The following NFAT5 variants were observed in gnomAD, a reference collection of about 807,000 sequenced individuals.
NFAT5 encodes nuclear factor of activated T-cells 5.
A neutral mutation model predicts 166.5 loss-of-function variants in NFAT5; 31 were observed. The ratio of observed to expected loss-of-function variants is 0.19; its 90% CI spans 0.14 to 0.25. NFAT5 has a LOEUF of 0.25. Among genes scored for constraint, NFAT5 ranks in the 10% least tolerant of loss-of-function variants. The pLI is 1.00. For synonymous variants in NFAT5, 612 were observed against 639.7 expected, an observed-to-expected ratio of 0.96 and a Z score of 0.65; for missense variants, 1,449 against 1,821.8, an observed-to-expected ratio of 0.80 and a Z score of 3.72.
At chr16:69,624,962 C>T (rs1012272198) in intron 2 of NFAT5, among the ~76,000 whole-genome samples, 2 of 151,170 alleles carry the variant, frequency 1.3e-5, no homozygotes, top group Admixed American at 1.3e-4. Context: ...TGCAATGGCG[C>T]GATCTTGGCT....
In NFAT5 at chr16:69,568,262, G is replaced by T. The variant is rs148872708; in HGVS notation, c.74-233G>T. On this transcript the variant is annotated intron_variant, in intron 1 of 14. Transcript: ENST00000349945. ...TTGAATCCGGGAGGCGGAGGTTGCGGTGAGCCGAGATCGCACCATTGCACT... is the reference window on the plus strand; with the variant it reads ...TTGAATCCGGGAGGCGGAGGTTGCGTTGAGCCGAGATCGCACCATTGCACT... 2.2e-3 allele frequency among the ~76,000 whole-genome samples: 339 copies of T among 152,212 alleles called. 2 individuals are homozygous for T. Among genetic ancestry groups the T allele is most frequent in the South Asian group, 5.8e-3 (28 of 4,822 alleles).
chr16:69,641,392 A>T lies in NFAT5; in HGVS notation c.254-5636A>T, dbSNP rs554032319. On this transcript the variant is annotated intron_variant, in intron 3 of 14. Coordinates refer to ENST00000349945, the MANE Select transcript of NFAT5 (RefSeq NM_138713.4). Reference sequence around the variant, plus strand: ...TTGTTCCACTATTTGTTCACTTAGCACTCTTGCAAAATTTTATGGCTTTTT... The same window carrying T: ...TTGTTCCACTATTTGTTCACTTAGCTCTCTTGCAAAATTTTATGGCTTTTT... 3.3e-3 allele frequency among the ~76,000 whole-genome samples: 505 copies of T among 151,806 alleles called. 6 individuals are homozygous for T. The highest frequency in any genetic ancestry group is 0.012 in the African/African-American group (495 of 41,390).
intron 2 of NFAT5, among the ~76,000 whole-genome samples, chr16:69,620,184 A>T (rs2034134942): frequency 1.3e-5 from 2 of 152,298 alleles, no homozygotes; most frequent in South Asian, 4.1e-4. Flanking sequence ...GCTCTATGAG[A>T]ATGCACCAGC....
intron 2 of NFAT5, among the ~76,000 whole-genome samples, chr16:69,596,957 G>C (rs901549885): frequency 6.6e-6 from 1 of 152,134 alleles, no homozygotes; most frequent in African/African-American, 2.4e-5. Flanking sequence ...AAACAAAGAG[G>C]AGTCCCTGTG....
At chr16:69,666,964 C>A (rs2036407808) in intron 7 of NFAT5, among the ~76,000 whole-genome samples, 1 of 150,668 alleles carries the variant, frequency 6.6e-6, no homozygotes, top group South Asian at 2.1e-4. Context: ...AAATGTGGCA[C>A]ATATACACCA....
chr16:69,648,262 C>A (rs1450685624), intron 4 of NFAT5: 1 of 984,564 alleles, frequency 1.0e-6, no homozygotes, highest in Non-Finnish European at 1.2e-6. Flanking sequence ...TCACTAAGAG[C>A]TATGTTCTCT....
intron 9 of NFAT5, among the ~76,000 whole-genome samples, chr16:69,672,610 C>T (rs1393953567): frequency 6.6e-6 from 1 of 152,138 alleles, no homozygotes; most frequent in Non-Finnish European, 1.5e-5. Flanking sequence ...TCATTTTATT[C>T]ACCTTGAAGA....
At chr16:69,610,363 G>C (rs900388030) in intron 2 of NFAT5, among the ~76,000 whole-genome samples, 3 of 152,036 alleles carry the variant, frequency 2.0e-5, no homozygotes, top group Admixed American at 1.3e-4. Flanking sequence ...TAATATTTTT[G>C]TTTTTCATCT....
chr16:69,659,602 G>T (rs989627498), intron 6 of NFAT5, 125 bp from the exon 7 acceptor site: 1 of 652,400 alleles, frequency 1.5e-6, no homozygotes, highest in African/African-American at 1.9e-5. Flanking sequence ...TTGGAACTTT[G>T]TAACTTTATT....
At chr16:69,589,968 G>A (rs182633974) in intron 2 of NFAT5, among the ~76,000 whole-genome samples, 1 of 151,950 alleles carries the variant, frequency 6.6e-6, no homozygotes, top group African/African-American at 2.4e-5. Flanking sequence ...ACCAGTTTGG[G>A]CAACATAGCA....
intron 7 of NFAT5, 63 bp downstream of exon 7, chr16:69,659,962 T>C: frequency 1.5e-6 from 2 of 1,335,090 alleles, no homozygotes; most frequent in Non-Finnish European, 2.0e-6. Context: ...GTTAATCTTT[T>C]AGACATCTCT....
At chr16:69,594,063 C>G (rs1190277957) in intron 2 of NFAT5, among the ~76,000 whole-genome samples, 4 of 152,128 alleles carry the variant, frequency 2.6e-5, no homozygotes, top group Admixed American at 2.0e-4. Flanking sequence ...GTCCTAAGAC[C>G]CTCTAGTGGA....
intron 2 of NFAT5, among the ~76,000 whole-genome samples, chr16:69,619,312 C>T (rs1009309966): frequency 2.0e-5 from 3 of 152,178 alleles, no homozygotes; most frequent in African/African-American, 7.2e-5. Flanking sequence ...AGGCTGTGCT[C>T]TATCCGTGTA....
intron 2 of NFAT5, among the ~76,000 whole-genome samples, chr16:69,570,921 A>C (rs2016390567): frequency 6.6e-6 from 1 of 152,172 alleles, no homozygotes; most frequent in Non-Finnish European, 1.5e-5. Flanking sequence ...TATTTGAGGC[A>C]AATTCGTGTA....
chr16:69,581,292 A>T (rs1331280938), intron 2 of NFAT5, among the ~76,000 whole-genome samples: 1 of 152,178 alleles, frequency 6.6e-6, no homozygotes, highest in Admixed American at 6.5e-5. Context: ...ATTGCAGAAT[A>T]GTATTCCATT....
At chr16:69,613,276 T>C (rs1424543821) in intron 2 of NFAT5, among the ~76,000 whole-genome samples, 2 of 152,212 alleles carry the variant, frequency 1.3e-5, no homozygotes, top group Non-Finnish European at 2.9e-5. Flanking sequence ...TAGGCTATTA[T>C]TGTAAAAACC....
intron 2 of NFAT5, among the ~76,000 whole-genome samples, chr16:69,580,604 T>C (rs866399376): frequency 2.0e-5 from 3 of 152,126 alleles, no homozygotes; most frequent in Admixed American, 6.6e-5. Flanking sequence ...TCCAAACTTA[T>C]CACTTGCTTA....
chr16:69,600,152 A>G (rs960736892), intron 2 of NFAT5, among the ~76,000 whole-genome samples: 3 of 89,004 alleles, frequency 3.4e-5, no homozygotes, highest in Non-Finnish European at 7.0e-5. Context: ...TTCTCTGGGA[A>G]AAAAAAAAAA....
At chr16:69,636,760 C>T (rs572986049) in intron 3 of NFAT5, among the ~76,000 whole-genome samples, 17 of 152,288 alleles carry the variant, frequency 1.1e-4, no homozygotes, top group Non-Finnish European at 1.9e-4. Context: ...GGGCCCAGCA[C>T]ACAAAACCGC....
Sources: allele counts gnomAD v4.1 joint callset (sites outside exome capture counted in the v4.1 genomes callset), GRCh38; gene constraint gnomAD v4.1.1; transcripts MANE v1.5; gene names NCBI Gene and HGNC (gene_info 2026-07-23, HGNC 2026-07-21).